The following DLGAP2 variants were observed in gnomAD, a reference collection of about 807,000 sequenced individuals.
The protein encoded by DLGAP2 is DLG associated protein 2.
A neutral mutation model predicts 100.3 loss-of-function variants in DLGAP2; 26 were observed. The ratio of observed to expected loss-of-function variants is 0.26; its 90% CI spans 0.19 to 0.36. The LOEUF (loss-of-function observed/expected upper bound fraction) is 0.36. Among genes scored for constraint, DLGAP2 ranks in the 10% least tolerant of loss-of-function variants. The pLI is 1.00. For synonymous variants in DLGAP2, 886 were observed against 630.1 expected, an observed-to-expected ratio of 1.41 and a Z score of -6.08; for missense variants, 1,858 against 1,453.2, an observed-to-expected ratio of 1.28 and a Z score of -4.53.
chr8:1,151,728 C>T (rs1389326180), intron 2 of DLGAP2, among the ~76,000 whole-genome samples: 1 of 152,204 alleles, frequency 6.6e-6, no homozygotes, highest in Admixed American at 6.5e-5. Context: ...TGTCAGGTGG[C>T]GTCGTCTCAT....
chr8:1,306,074 C>CAAAAAAAAAAAAAAAAAAAAAAAAAA (rs61647224), intron 3 of DLGAP2, among the ~76,000 whole-genome samples: 3 of 116,448 alleles, frequency 2.6e-5, no homozygotes, highest in African/African-American at 6.2e-5. Flanking sequence ...AGAAATTAGG[C>CAAAAAAAAAAAAAAAAAAAAAAAAAA]AAAAAAAAAA....
intron 2 of DLGAP2, among the ~76,000 whole-genome samples, chr8:972,851 T>C (rs1328717368): frequency 6.6e-6 from 1 of 152,110 alleles, no homozygotes; most frequent in African/African-American, 2.4e-5. Flanking sequence ...CAAGCATCTG[T>C]TTAACAAAGC....
At chr8:797,588 A>G (rs886745247) in intron 1 of DLGAP2, among the ~76,000 whole-genome samples, 2 of 152,128 alleles carry the variant, frequency 1.3e-5, no homozygotes, top group Admixed American at 6.6e-5. Context: ...TGCTGGCCAT[A>G]GATGTCAATG....
chr8:1,152,004 A>G (rs988158789), intron 2 of DLGAP2, among the ~76,000 whole-genome samples: 1 of 152,232 alleles, frequency 6.6e-6, no homozygotes, highest in Non-Finnish European at 1.5e-5. Flanking sequence ...CCTCAACCTC[A>G]CTAGCATTGA....
intron 1 of DLGAP2, among the ~76,000 whole-genome samples, chr8:769,554 G>A (rs1171264473): frequency 6.6e-6 from 1 of 152,144 alleles, no homozygotes. Flanking sequence ...AGAAAGTTTG[G>A]GAAGGAACAG....
chr8:1,335,208 T>G (rs1184875790), intron 3 of DLGAP2, among the ~76,000 whole-genome samples: 1 of 152,164 alleles, frequency 6.6e-6, no homozygotes, highest in Non-Finnish European at 1.5e-5. Flanking sequence ...TCTCTCAGTC[T>G]ACACCGAAGC....
At chr8:1,536,574 G>A (rs1373995896) in intron 4 of DLGAP2, among the ~76,000 whole-genome samples, 1 of 152,108 alleles carries the variant, frequency 6.6e-6, no homozygotes, top group Non-Finnish European at 1.5e-5. Flanking sequence ...GTGCTTCTGC[G>A]AAAGTGTAGT....
chr8:1,555,861 C>T (rs1233691619), intron 5 of DLGAP2, among the ~76,000 whole-genome samples: 4 of 152,222 alleles, frequency 2.6e-5, no homozygotes, highest in Admixed American at 1.3e-4. Context: ...TGTTGGCTAG[C>T]CTTGTGTCTG....
chr8:1,193,121 C>T lies in DLGAP2; in HGVS notation c.74-65730C>T, dbSNP rs1020271931. Among the ~76,000 whole-genome samples the T allele has an allele frequency of 8.5e-5, 13 of 152,148 alleles. 1 individual carries two copies. The highest frequency in any genetic ancestry group is 1.9e-4 in the East Asian group (1 of 5,178). ...AAGTCTTTGCTATGGTGAATAGTGC[C>T]GCTATAAACATACGTGTGCATGTGT... On this transcript the variant is annotated intron_variant, in intron 2 of 14. Transcript: ENST00000637795.
At chr8:1,313,588 C>G (rs1800661459) in intron 3 of DLGAP2, among the ~76,000 whole-genome samples, 1 of 152,182 alleles carries the variant, frequency 6.6e-6, no homozygotes, top group South Asian at 2.1e-4. Flanking sequence ...CACCATAACA[C>G]TTCCTCAGGC....
intron 3 of DLGAP2, among the ~76,000 whole-genome samples, chr8:1,345,901 G>A (rs1437825875): frequency 1.3e-5 from 2 of 152,140 alleles, no homozygotes; most frequent in African/African-American, 2.4e-5. Context: ...AAGCAAACTC[G>A]GGGACGTGAA....
At chr8:1,483,637 AG>A (rs1453565524) in intron 3 of DLGAP2, among the ~76,000 whole-genome samples, 7 of 64,674 alleles carry the variant, frequency 1.1e-4, no homozygotes, top group African/African-American at 2.1e-4. Flanking sequence ...AGGCTCAGGG[AG>A]CAGGACCTGA....
At chr8:800,970 C>G (rs1014406718) in intron 1 of DLGAP2, among the ~76,000 whole-genome samples, 27 of 152,086 alleles carry the variant, frequency 1.8e-4, no homozygotes, top group Admixed American at 1.4e-3. Context: ...TTCCTGGGTC[C>G]CCATCCACCT....
chr8:1,143,806 T>C (rs546726578), intron 2 of DLGAP2, among the ~76,000 whole-genome samples: 21 of 152,216 alleles, frequency 1.4e-4, no homozygotes, highest in Non-Finnish European at 2.8e-4. Context: ...TTGCTTTCCC[T>C]TCTGTGCAGT....
intron 3 of DLGAP2, among the ~76,000 whole-genome samples, chr8:1,483,295 C>T (rs534965586): frequency 6.6e-6 from 1 of 152,280 alleles, no homozygotes; most frequent in African/African-American, 2.4e-5. Context: ...AGACTCTGCC[C>T]CACGCGTGAG....
intron 8 of DLGAP2, among the ~76,000 whole-genome samples, chr8:1,661,124 C>T (rs1798400013): frequency 6.6e-6 from 1 of 152,302 alleles, no homozygotes; most frequent in South Asian, 2.1e-4. Context: ...TCCAAGAAAA[C>T]GTTGTCTAAA....
chr8:1,555,236 T>C (rs1584922342), intron 5 of DLGAP2, among the ~76,000 whole-genome samples: 1 of 151,782 alleles, frequency 6.6e-6, no homozygotes, highest in East Asian at 1.9e-4. Flanking sequence ...GCCCCTCGAG[T>C]TTCTGGTCTG....
intron 2 of DLGAP2, among the ~76,000 whole-genome samples, chr8:1,095,565 T>C (rs377604333): frequency 4.1e-4 from 62 of 152,314 alleles, no homozygotes; most frequent in African/African-American, 1.4e-3. Flanking sequence ...GTGTCCACCG[T>C]CAACACTGTT....
At chr8:1,067,313 C>A (rs1259136594) in intron 2 of DLGAP2, among the ~76,000 whole-genome samples, 1 of 152,200 alleles carries the variant, frequency 6.6e-6, no homozygotes, top group African/African-American at 2.4e-5. Context: ...ACCCTCCTAG[C>A]GCTTTTGCTT....
Sources: allele counts gnomAD v4.1 joint callset (sites outside exome capture counted in the v4.1 genomes callset), GRCh38; gene constraint gnomAD v4.1.1; transcripts MANE v1.5; gene names NCBI Gene and HGNC (gene_info 2026-07-23, HGNC 2026-07-21).